CHD9: variants seen among roughly 807,000 people sequenced by gnomAD.
CHD9 encodes the protein ATP-dependent chromatin remodeler CHD9.
CHD9 carries 77 observed loss-of-function variants against 316.1 expected under a neutral mutation model. The observed-to-expected ratio is 0.24, with a 90% CI of 0.20 to 0.29. The LOEUF (loss-of-function observed/expected upper bound fraction) is 0.29. Ranked by LOEUF, CHD9 falls within the 10% of genes least tolerant of loss-of-function variation. CHD9 has a pLI of 1.00. For missense variants in CHD9, 2,763 were observed against 3,438.1 expected (o/e 0.80, Z 4.91); for synonymous variants, 1,129 against 1,158.3 (o/e 0.97, Z 0.51).
At chr16:53,295,095 TCA>T (rs2153059835) in intron 29 of CHD9, among the ~76,000 whole-genome samples, 1 of 152,244 alleles carries the variant, frequency 6.6e-6, no homozygotes, top group South Asian at 2.1e-4. Flanking sequence ...AGCCCATCCC[TCA>T]GAGCTCAGCA....
In CHD9 at chr16:53,097,904, T is replaced by C. The variant is rs535387032; in HGVS notation, c.-165+42827T>C. ...GGAGGCCGAGATGGGTGGATGACCT[T>C]AGGTCAGGAGTTCGAGCCCAGCCTG... On this transcript the variant is annotated intron_variant, in intron 1 of 38. Transcript: ENST00000447540. 2.0e-5 allele frequency among the ~76,000 whole-genome samples: 3 copies of C among 149,448 alleles called. No individual in the cohort carries two copies. In the South Asian group the frequency reaches 6.4e-4, roughly 32 times the overall value.
rs918376065 is a variant in CHD9 at position 53,128,206 on chromosome 16, G to A, written c.-164-27720G>A. Among the ~76,000 whole-genome samples the A allele has an allele frequency of 4.0e-5, 6 of 151,892 alleles. No individual in the cohort carries two copies. The South Asian group carries it at 6.2e-4, about 16-fold the overall frequency. ...GACATTTTTTTTTTTCTTTTAAGAC[G>A]GAGTCTCGTTCTGTCATCCAGGATG... On this transcript the variant is annotated intron_variant, in intron 1 of 38. Coordinates refer to ENST00000447540, the MANE Select transcript of CHD9 (RefSeq NM_001308319.2).
chr16:53,225,225 ACT>A (rs575747963), intron 4 of CHD9, among the ~76,000 whole-genome samples: 23 of 152,242 alleles, frequency 1.5e-4, no homozygotes, highest in Admixed American at 1.3e-3. Context: ...AACCAGAAGA[ACT>A]TGTGGTTTAT....
chr16:53,245,650 A>G lies in CHD9; in HGVS notation c.3254A>G (p.Asp1085Gly). The part of the protein sequence containing the change: ...KPMMLRRLKE[D>G]VEKKLAPKEE... ...ATGATGTTGAGACGATTAAAAGAAG[A>G]TGTGGAAAAGAAGTTGGCACCTAAA... The change falls in exon 15 of 39, where the codon GAT (aspartate) becomes GGT (glycine). Residue 1085 changes from aspartate (D) to glycine (G), a missense_variant. By Grantham distance (94) the Asp-to-Gly change is moderately conservative. Coordinates refer to ENST00000447540, the MANE Select transcript of CHD9 (RefSeq NM_001308319.2). The surrounding 1 kb of genome is among the most constrained non-coding windows in gnomAD (Gnocchi z 4.1). 1 of 1,606,526 alleles carries G rather than the reference A, an allele frequency of 6.2e-7. No homozygotes were observed. The highest frequency in any genetic ancestry group is 8.5e-7 in the Non-Finnish European group (1 of 1,177,386).
At chr16:53,250,132 G>T (rs2050004206) in intron 17 of CHD9, 66 bp downstream of exon 17, 1 of 1,092,826 alleles carries the variant, frequency 9.2e-7, no homozygotes, top group South Asian at 1.5e-5. Flanking sequence ...TAACTTTTTG[G>T]TAATCCACAT....
At chr16:53,208,425 T>C in intron 2 of CHD9, 2 of 1,231,016 alleles carry the variant, frequency 1.6e-6, no homozygotes, top group South Asian at 2.8e-5. Flanking sequence ...TAACCTTCCT[T>C]ATTACTGGCT....
chr16:53,199,786 A>G (rs1455451621), intron 2 of CHD9, among the ~76,000 whole-genome samples: 1 of 152,224 alleles, frequency 6.6e-6, no homozygotes, highest in Non-Finnish European at 1.5e-5. Flanking sequence ...TTCTTACCAT[A>G]AAACTGGAAT....
chr16:53,241,954 G>A (rs768091044), intron 12 of CHD9, among the ~76,000 whole-genome samples: 3 of 152,090 alleles, frequency 2.0e-5, no homozygotes, highest in Non-Finnish European at 4.4e-5. Flanking sequence ...TCCCGCAGTC[G>A]GCTGCATCCC....
At chr16:53,060,675 G>A (rs552426155) in intron 1 of CHD9, among the ~76,000 whole-genome samples, 4 of 152,012 alleles carry the variant, frequency 2.6e-5, no homozygotes, top group South Asian at 2.1e-4. Context: ...CGAATCAATT[G>A]AGCTGAGGAG....
chr16:53,250,087 A>C, intron 17 of CHD9, 21 bp downstream of exon 17: 1 of 1,557,638 alleles, frequency 6.4e-7, no homozygotes, highest in East Asian at 2.3e-5. Flanking sequence ...TCCTTGGCTA[A>C]CAAAAAATGC....
At chr16:53,096,464 TTTATTATTTCATTTAATTA>T (rs1236455146) in intron 1 of CHD9, among the ~76,000 whole-genome samples, 1 of 152,204 alleles carries the variant, frequency 6.6e-6, no homozygotes, top group African/African-American at 2.4e-5. Flanking sequence ...CACCTTTACT[TTTATTATTTCATTTAATTA>T]TTCTGGAAAC....
intron 1 of CHD9, among the ~76,000 whole-genome samples, chr16:53,105,045 A>G (rs1330289274): frequency 1.3e-5 from 2 of 152,064 alleles, no homozygotes; most frequent in Admixed American, 6.6e-5. Flanking sequence ...GGTCTCGCTA[A>G]TTGCCCAGCC....
At chr16:53,288,978 A>G (rs1444957913) in intron 27 of CHD9, among the ~76,000 whole-genome samples, 1 of 151,808 alleles carries the variant, frequency 6.6e-6, no homozygotes, top group Non-Finnish European at 1.5e-5. Context: ...CTGACTATGC[A>G]CGAGTCCCGA....
chr16:53,063,362 AC>A (rs2033140784), intron 1 of CHD9, among the ~76,000 whole-genome samples: 1 of 94,274 alleles, frequency 1.1e-5, no homozygotes, highest in African/African-American at 6.6e-5. Flanking sequence ...TAAATTTCAC[AC>A]ACACACACAC....
chr16:53,298,476 C>G (rs996210835), intron 30 of CHD9: 1 of 152,796 alleles, frequency 6.5e-6, no homozygotes, highest in African/African-American at 2.4e-5. Context: ...AGGGAGACCC[C>G]ATCTCTACAA....
intron 34 of CHD9, among the ~76,000 whole-genome samples, chr16:53,309,615 AT>A (rs1297918938): frequency 6.6e-6 from 1 of 152,078 alleles, no homozygotes; most frequent in Non-Finnish European, 1.5e-5. Context: ...TGCATTAGAC[AT>A]TGGTTTTAGT....
In CHD9 at chr16:53,202,872, C is replaced by T. The variant is rs936765143; in HGVS notation, c.1453-6610C>T. 3.3e-5 allele frequency among the ~76,000 whole-genome samples: 5 copies of T among 152,192 alleles called. No homozygotes were observed. The East Asian group carries it at 7.7e-4, about 24-fold the overall frequency. ...CTTTTAATTTGTGAGCATGGTAGTTCACAGATGTGAAGAAAGTGAAGTGAA... is the reference window on the plus strand; with the variant it reads ...CTTTTAATTTGTGAGCATGGTAGTTTACAGATGTGAAGAAAGTGAAGTGAA... On this transcript the variant is annotated intron_variant, in intron 2 of 38. Transcript: ENST00000447540.
At position 53,165,758 on chromosome 16, in the gene CHD9, CT is replaced by C. The variant is rs548685573; in HGVS notation, c.1452+8220del. ...ATTTGCTGTTTTTTTTCCTAAGGTA[CT>C]TTAGTTATAGCATACTATTTTAAAA... On this transcript the variant is annotated intron_variant, in intron 2 of 38. Transcript: ENST00000447540. 6.6e-5 allele frequency among the ~76,000 whole-genome samples: 10 copies of C among 151,846 alleles called. No individual in the cohort carries two copies. The South Asian group carries it at 2.1e-3, about 31-fold the overall frequency.
In CHD9 at chr16:53,106,100, G is replaced by A. The variant is rs569623026; in HGVS notation, c.-164-49826G>A. On this transcript the variant is annotated intron_variant, in intron 1 of 38. Coordinates refer to ENST00000447540, the MANE Select transcript of CHD9 (RefSeq NM_001308319.2). ...CTCCCAAAGTGCTGGGATTACAGGC[G>A]TGAGCCACCGCACCTGGCTCAGAAG... Among the ~76,000 whole-genome samples, 41 of 152,190 alleles carry A rather than the reference G, an allele frequency of 2.7e-4. 1 individual carries two copies. In the South Asian group the frequency reaches 7.7e-3, roughly 28 times the overall value.
Sources: allele counts gnomAD v4.1 joint callset (sites outside exome capture counted in the v4.1 genomes callset), GRCh38; gene constraint gnomAD v4.1.1; non-coding constraint Gnocchi (gnomAD v3.1); transcripts MANE v1.5; gene names NCBI Gene and HGNC (gene_info 2026-07-23, HGNC 2026-07-21).